SZRD1: variants seen among roughly 807,000 people sequenced by gnomAD.
SZRD1 encodes the protein SUZ RNA-binding domain-containing.
In SZRD1, 7 loss-of-function variants were observed where a neutral mutation model predicts 17.6. The observed-to-expected ratio is 0.40, with a 90% CI of 0.23 to 0.75. The LOEUF (loss-of-function observed/expected upper bound fraction) is 0.75, where lower values mean the gene tolerates loss of function less well. Among genes scored for constraint, SZRD1 ranks in the 30% least tolerant of loss-of-function variants. SZRD1 has a pLI of 0.38. For synonymous variants in SZRD1, 77 were observed against 77.9 expected (o/e 0.99, Z 0.06); for missense variants, 178 against 201.8 (o/e 0.88, Z 0.71).
Position 16,395,057 on chromosome 1 carries a change from C to T in SZRD1, c.376C>T (p.Pro126Ser). 1.9e-6 allele frequency: 3 copies of T among 1,613,226 alleles called. No individual in the cohort carries two copies. Among genetic ancestry groups the T allele is most frequent in the Admixed American group, 3.3e-5 (2 of 60,000 alleles). The change falls in exon 4 of 4, where the codon CCC becomes TCC. Residue 126 changes from proline (P) to serine (S), a missense_variant. Transcript: ENST00000401088. ...ILDRPTRISQ[P>S]EDSRQPNNVI... Reference sequence around the variant, plus strand: ...TTTCAGGCCAACCAGGATCTCCCAACCCGAAGACAGCAGGCAGCCCAATAA... The same window carrying T: ...TTTCAGGCCAACCAGGATCTCCCAATCCGAAGACAGCAGGCAGCCCAATAA...
intron 1 of SZRD1, chr1:16,387,731 T>C (rs1384370711): frequency 2.2e-6 from 1 of 456,238 alleles, no homozygotes; most frequent in East Asian, 7.0e-5. Flanking sequence ...GTATTTAGAG[T>C]GGAGCGAAAT....
In SZRD1 at chr1:16,393,816, CCT is replaced by C; in HGVS notation, c.356+339_356+340del. Reference sequence around the variant, plus strand: ...TTACCTCTTCTTTAGAACGACTTGACCTCTCTGGGCCTTAGTTTTCTCATCTG... The same window carrying C: ...TTACCTCTTCTTTAGAACGACTTGACCTCTGGGCCTTAGTTTTCTCATCTG... On this transcript the variant is annotated intron_variant, in intron 3 of 3. Coordinates refer to ENST00000401088, the MANE Select transcript of SZRD1 (RefSeq NM_001114600.3). The surrounding 1 kb of genome is among the most constrained non-coding windows in gnomAD (Gnocchi z 5.6). Among the ~76,000 whole-genome samples, 1 of 152,286 alleles carries C rather than the reference CCT, an allele frequency of 6.6e-6. No individual in the cohort carries two copies. Among genetic ancestry groups the C allele is most frequent in the Non-Finnish European group, 1.5e-5 (1 of 68,026 alleles).
intron 2 of SZRD1, among the ~76,000 whole-genome samples, chr1:16,392,100 G>A (rs770953135): frequency 6.6e-6 from 1 of 152,106 alleles, no homozygotes; most frequent in African/African-American, 2.4e-5. Flanking sequence ...CTGCCCGCCC[G>A]CTAGTTTTCC....
chr1:16,382,765 G>C (rs2083126249), intron 1 of SZRD1, among the ~76,000 whole-genome samples: 1 of 152,126 alleles, frequency 6.6e-6, no homozygotes, highest in Admixed American at 6.5e-5. Flanking sequence ...CAGAGTTCTG[G>C]GATTACAGGC....
intron 1 of SZRD1, among the ~76,000 whole-genome samples, chr1:16,369,988 T>G (rs2082885632): frequency 6.6e-6 from 1 of 152,110 alleles, no homozygotes; most frequent in Non-Finnish European, 1.5e-5. Context: ...TCTAATATAT[T>G]TTATTTAATT....
Position 16,393,263 on chromosome 1 carries a change from T to C in SZRD1, c.137T>C (p.Val46Ala). 1 of 1,614,192 alleles carries C rather than the reference T, an allele frequency of 6.2e-7. No homozygotes were observed. The highest frequency in any genetic ancestry group is 8.5e-7 in the Non-Finnish European group (1 of 1,180,018). Residue 46 changes from valine (V) to alanine (A), a missense_variant, in exon 3 of 4, where the codon GTG (valine) becomes GCG (alanine). Val to Ala is a moderately conservative substitution (Grantham distance 64). Transcript: ENST00000401088. This position sits in a 1 kb window ranked among gnomAD's most constrained non-coding sequence, Gnocchi z 5.6. ...KSKSPPKVPIVIQDDSLPAGP... is the reference protein window; with the variant it reads ...KSKSPPKVPIAIQDDSLPAGP... ...AAATCTCCTCCCAAAGTGCCCATTG[T>C]GATTCAGGACGATAGCCTTCCCGCG...
At position 16,397,804 on chromosome 1, in the gene SZRD1, C is replaced by T. The variant is rs2085337544; in HGVS notation, c.*2664C>T. The T allele has an allele frequency of 5.7e-6, 1 of 174,858 alleles. No individual in the cohort carries two copies. The highest frequency in any genetic ancestry group is 1.9e-4 in the South Asian group (1 of 5,272). 10.8% of individuals were successfully genotyped at this position (174,858 alleles called of 1,614,324 possible). A position where few individuals can be genotyped will look rare whatever the true frequency, so the allele number is the denominator to read the frequency against. Reference sequence around the variant, plus strand: ...TCAGCCCCTTCCAGAGCCCATCTGCCCCGCCCAGCCCTGCCCTGCCCAGCC... The same window carrying T: ...TCAGCCCCTTCCAGAGCCCATCTGCTCCGCCCAGCCCTGCCCTGCCCAGCC... On this transcript the variant is annotated 3_prime_UTR_variant, in exon 4 of 4. Coordinates refer to ENST00000401088, the MANE Select transcript of SZRD1 (RefSeq NM_001114600.3). The surrounding 1 kb of genome is among the most constrained non-coding windows in gnomAD (Gnocchi z 5.4).
intron 1 of SZRD1, among the ~76,000 whole-genome samples, chr1:16,381,498 A>C (rs1395652787): frequency 1.3e-5 from 2 of 150,592 alleles, no homozygotes; most frequent in Non-Finnish European, 2.9e-5. Context: ...TGGAGGTTGC[A>C]GTGAGCTGAG....
chr1:16,390,812 A>G (rs2085211077), intron 1 of SZRD1, among the ~76,000 whole-genome samples: 1 of 152,122 alleles, frequency 6.6e-6, no homozygotes, highest in African/African-American at 2.4e-5. Flanking sequence ...GTTGTGCAGG[A>G]TCAATGGGAG....
chr1:16,384,432 C>T (rs1484160243), intron 1 of SZRD1, among the ~76,000 whole-genome samples: 3 of 150,616 alleles, frequency 2.0e-5, no homozygotes, highest in Non-Finnish European at 4.4e-5. Flanking sequence ...ACATTTTTAT[C>T]TGATAGTTTT....
chr1:16,392,925 G>A (rs988072215), intron 2 of SZRD1, among the ~76,000 whole-genome samples: 1 of 152,224 alleles, frequency 6.6e-6, no homozygotes, highest in Non-Finnish European at 1.5e-5. Flanking sequence ...CCAAATAGTG[G>A]TTGATGTGGC....
chr1:16,367,445 A>G (rs1569981296), intron 1 of SZRD1, 137 bp downstream of exon 1: 4 of 771,220 alleles, frequency 5.2e-6, no homozygotes, highest in South Asian at 1.8e-5. Flanking sequence ...AGAGGCCCCC[A>G]GTTCCTGAGC....
chr1:16,393,624 C>T lies in SZRD1; in HGVS notation c.356+142C>T. 4 of 909,890 alleles carry T rather than the reference C, an allele frequency of 4.4e-6. No homozygotes were observed. Among genetic ancestry groups the T allele is most frequent in the South Asian group, 1.7e-5 (1 of 58,652 alleles). 56.4% of individuals were successfully genotyped at this position (909,890 alleles called of 1,614,324 possible). A position where few individuals can be genotyped will look rare whatever the true frequency, so the allele number is the denominator to read the frequency against. The stretch of plus-strand genomic sequence containing the variant: ...TGCAGCTCCACTTGCTGATCCCAGC[C>T]TGCTGGCACTAGTTCACTGTGCCGC... On this transcript the variant is annotated intron_variant, in intron 3 of 3. Transcript: ENST00000401088. This position sits in a 1 kb window ranked among gnomAD's most constrained non-coding sequence, Gnocchi z 5.6.
At chr1:16,372,754 A>G (rs2082935481) in intron 1 of SZRD1, among the ~76,000 whole-genome samples, 1 of 152,222 alleles carries the variant, frequency 6.6e-6, no homozygotes, top group Non-Finnish European at 1.5e-5. Context: ...TTATCCAAAC[A>G]TTGCCCCATC....
chr1:16,370,329 G>A (rs981185352), intron 1 of SZRD1, among the ~76,000 whole-genome samples: 1 of 150,656 alleles, frequency 6.6e-6, no homozygotes, highest in African/African-American at 2.4e-5. Flanking sequence ...AGGTTCAAGC[G>A]ATTCTCGTGC....
At chr1:16,378,309 G>A (rs2083037374) in intron 1 of SZRD1, among the ~76,000 whole-genome samples, 1 of 121,024 alleles carries the variant, frequency 8.3e-6, no homozygotes, top group Admixed American at 9.6e-5. Flanking sequence ...TTTTTGAGAT[G>A]GAGTCTTGCT....
chr1:16,391,530 T>C lies in SZRD1; in HGVS notation c.101+106T>C, dbSNP rs2085222418. 3 of 989,940 alleles carry C rather than the reference T, an allele frequency of 3.0e-6. No homozygotes were observed. Among genetic ancestry groups the C allele is most frequent in the Admixed American group, 4.9e-5 (2 of 40,956 alleles). 61.3% of individuals were successfully genotyped at this position (989,940 alleles called of 1,614,324 possible). A position where few individuals can be genotyped will look rare whatever the true frequency, so the allele number is the denominator to read the frequency against. ...ATTAGGATTAGCAGGTCCTAGCAGG[T>C]CAGGCTCTGGGGCAGCAAACCCTTC... On this transcript the variant is annotated intron_variant, in intron 2 of 3. Transcript: ENST00000401088. This position sits in a 1 kb window ranked among gnomAD's most constrained non-coding sequence, Gnocchi z 4.3.
rs193247645 is a variant in SZRD1, at chr1:16,393,605, T to G, written c.356+123T>G. 253 of 1,096,216 alleles carry G rather than the reference T, an allele frequency of 2.3e-4. 1 individual carries two copies. In the African/African-American group the frequency reaches 3.1e-3, roughly 14 times the overall value. The allele number at this position is 1,096,216 out of a possible 1,614,324, so 67.9% of individuals were successfully genotyped here. The stretch of plus-strand genomic sequence containing the variant: ...AGAGTCAGGGTAGGAACCATGCAGC[T>G]CCACTTGCTGATCCCAGCCTGCTGG... On this transcript the variant is annotated intron_variant, in intron 3 of 3. Transcript: ENST00000401088. This position sits in a 1 kb window ranked among gnomAD's most constrained non-coding sequence, Gnocchi z 5.6.
At chr1:16,373,828 C>T (rs2082952590) in intron 1 of SZRD1, among the ~76,000 whole-genome samples, 1 of 152,064 alleles carries the variant, frequency 6.6e-6, no homozygotes, top group Non-Finnish European at 1.5e-5. Context: ...GTCTCGAATG[C>T]CTGAACATAA....
Sources: gnomAD v4.1 joint callset for allele counts (sites outside exome capture counted in the v4.1 genomes callset) on GRCh38, gnomAD v4.1.1 for gene constraint, Gnocchi (gnomAD v3.1) non-coding constraint, MANE v1.5 for transcripts, NCBI Gene and HGNC (gene_info 2026-07-23, HGNC 2026-07-21) for gene names.